Variants in UBE2E2 observed in about 807,000 individuals in gnomAD.
The protein encoded by UBE2E2 is ubiquitin-conjugating enzyme E2 E2.
UBE2E2 carries 6 observed loss-of-function variants against 24.7 expected under a neutral mutation model. The observed-to-expected ratio is 0.24, with a 90% CI of 0.13 to 0.48. The LOEUF is 0.48. Among genes scored for constraint, UBE2E2 ranks in the 20% least tolerant of loss-of-function variants. The probability of loss-of-function intolerance (pLI) is 0.99; values close to 1 mark genes in which losing one functional copy is unlikely to be tolerated. For synonymous variants in UBE2E2, 104 were observed against 83.6 expected, an observed-to-expected ratio of 1.24 and a Z score of -1.33; for missense variants, 169 against 245.0, an observed-to-expected ratio of 0.69 and a Z score of 2.07.
intron 3 of UBE2E2, among the ~76,000 whole-genome samples, chr3:23,422,343 A>G (rs1697822896): frequency 6.6e-6 from 1 of 152,164 alleles, no homozygotes; most frequent in South Asian, 2.1e-4. Flanking sequence ...TGGTAGAGAA[A>G]GTGGTCAACT....
At chr3:23,296,214 T>A (rs1698904376) in intron 3 of UBE2E2, among the ~76,000 whole-genome samples, 1 of 152,216 alleles carries the variant, frequency 6.6e-6, no homozygotes, top group Non-Finnish European at 1.5e-5. Flanking sequence ...CTTATTGTTT[T>A]AAATCTCTAT....
chr3:23,263,894 A>G (rs1481454193), intron 3 of UBE2E2, among the ~76,000 whole-genome samples: 1 of 152,164 alleles, frequency 6.6e-6, no homozygotes, highest in African/African-American at 2.4e-5. Context: ...GAATAGATAA[A>G]AGCCTCCCTA....
intron 5 of UBE2E2, among the ~76,000 whole-genome samples, chr3:23,539,822 T>A (rs531271454): frequency 6.6e-6 from 1 of 152,234 alleles, no homozygotes; most frequent in Non-Finnish European, 1.5e-5. Context: ...TTTTAATGAA[T>A]TGGAAATTTT....
At chr3:23,447,511 T>C (rs371724175) in intron 3 of UBE2E2, among the ~76,000 whole-genome samples, 19 of 152,298 alleles carry the variant, frequency 1.2e-4, no homozygotes, top group East Asian at 1.2e-3. Flanking sequence ...GGGGCAGTTG[T>C]GGAGAGAAAT....
chr3:23,549,990 A>G (rs1695606522), intron 5 of UBE2E2, among the ~76,000 whole-genome samples: 1 of 150,930 alleles, frequency 6.6e-6, no homozygotes, highest in Non-Finnish European at 1.5e-5. Context: ...ACGAGATCGC[A>G]CCATTGCACT....
rs143567607 is a variant in UBE2E2, at chr3:23,407,567, G to GC, written c.228-92037dup. On this transcript the variant is annotated intron_variant, in intron 3 of 5. Transcript: ENST00000396703. The surrounding 1 kb of genome is among the most constrained non-coding windows in gnomAD (Gnocchi z 4.0). ...TTGCTACATCCTTTATCTCCTCTGC[G>GC]CCCCTCCCTCTACTTTTTATGGTTT... Among the ~76,000 whole-genome samples the GC allele has an allele frequency of 0.16, 24,288 of 151,208 alleles. 2,233 individuals carry two copies. The highest frequency in any genetic ancestry group is 0.25 in the African/African-American group (10,170 of 41,078).
At chr3:23,287,769 C>T (rs1259803243) in intron 3 of UBE2E2, among the ~76,000 whole-genome samples, 4 of 137,326 alleles carry the variant, frequency 2.9e-5, no homozygotes, top group Admixed American at 2.8e-4. Flanking sequence ...TGTAATGTCT[C>T]TCTCTTTTTT....
chr3:23,485,323 T>G (rs1699341351), intron 3 of UBE2E2, among the ~76,000 whole-genome samples: 2 of 152,094 alleles, frequency 1.3e-5, no homozygotes, highest in South Asian at 4.1e-4. Context: ...CTCGAACTCC[T>G]AACGTCAAGT....
intron 3 of UBE2E2, among the ~76,000 whole-genome samples, chr3:23,448,231 C>T (rs990773357): frequency 6.6e-6 from 1 of 152,168 alleles, no homozygotes; most frequent in Non-Finnish European, 1.5e-5. Flanking sequence ...AAGCTCTTGC[C>T]ACGAAGCCTT....
At chr3:23,479,048 C>A (rs1041984972) in intron 3 of UBE2E2, among the ~76,000 whole-genome samples, 1 of 152,052 alleles carries the variant, frequency 6.6e-6, no homozygotes, top group African/African-American at 2.4e-5. Context: ...GTCACAGGAT[C>A]CTTCAGGTGT....
At chr3:23,297,075 T>C (rs1698931152) in intron 3 of UBE2E2, among the ~76,000 whole-genome samples, 1 of 152,248 alleles carries the variant, frequency 6.6e-6, no homozygotes, top group Non-Finnish European at 1.5e-5. Context: ...ACGAGCACTT[T>C]TTCATGTGTT....
chr3:23,403,992 C>A lies in UBE2E2; in HGVS notation c.228-95616C>A, dbSNP rs78671663. Reference sequence around the variant, plus strand: ...TTGCCTTCTTCTTCCTGTCTTCTCCCCATTGCCATCTCATTTTCTCTGCAG... The same window carrying A: ...TTGCCTTCTTCTTCCTGTCTTCTCCACATTGCCATCTCATTTTCTCTGCAG... On this transcript the variant is annotated intron_variant, in intron 3 of 5. Coordinates refer to ENST00000396703, the MANE Select transcript of UBE2E2 (RefSeq NM_152653.4). Among the ~76,000 whole-genome samples, 99 of 152,254 alleles carry A rather than the reference C, an allele frequency of 6.5e-4. 5 individuals carry two copies. In the East Asian group the frequency reaches 0.016, roughly 24 times the overall value.
intron 3 of UBE2E2, among the ~76,000 whole-genome samples, chr3:23,355,958 T>C (rs1269363046): frequency 4.6e-5 from 7 of 152,234 alleles, no homozygotes; most frequent in African/African-American, 1.7e-4. Context: ...TTTCTTGTTT[T>C]ACACAGGAGG....
intron 5 of UBE2E2, among the ~76,000 whole-genome samples, chr3:23,562,634 A>C (rs1310841613): frequency 1.3e-5 from 2 of 152,248 alleles, no homozygotes; most frequent in South Asian, 4.1e-4. Context: ...GAATAGTTTC[A>C]GAAGGAATGG....
chr3:23,404,873 C>T (rs933417578), intron 3 of UBE2E2, among the ~76,000 whole-genome samples: 3 of 152,190 alleles, frequency 2.0e-5, no homozygotes, highest in African/African-American at 7.2e-5. Context: ...TATGCAGTTA[C>T]AAGTATATTG....
chr3:23,354,428 C>T (rs9849424), intron 3 of UBE2E2, among the ~76,000 whole-genome samples: 54,060 of 151,962 alleles, frequency 0.36, 10,837 homozygotes, highest in Admixed American at 0.52. Context: ...AAGAAACTAC[C>T]ATCAGAGTGA....
chr3:23,388,385 C>T (rs141336071), intron 3 of UBE2E2, among the ~76,000 whole-genome samples: 1 of 152,248 alleles, frequency 6.6e-6, no homozygotes. Flanking sequence ...TGTTTGTTCT[C>T]TTACATCTCT....
upstream of UBE2E2, chr3:23,203,157 G>A: frequency 2.0e-6 from 2 of 985,614 alleles, no homozygotes; most frequent in African/African-American, 1.7e-5. Context: ...GGAGGTGGTG[G>A]CTTCACTTTC....
intron 3 of UBE2E2, among the ~76,000 whole-genome samples, chr3:23,234,930 C>T (rs566164912): frequency 6.6e-5 from 10 of 152,052 alleles, no homozygotes; most frequent in African/African-American, 1.9e-4. Context: ...GAATGTCAGG[C>T]GCTGATGTGT....
Sources: allele counts gnomAD v4.1 joint callset (sites outside exome capture counted in the v4.1 genomes callset), GRCh38; gene constraint gnomAD v4.1.1; non-coding constraint Gnocchi (gnomAD v3.1); transcripts MANE v1.5; gene names NCBI Gene and HGNC (gene_info 2026-07-23, HGNC 2026-07-21).